The following C10orf143 variants were observed in gnomAD, a reference collection of about 807,000 sequenced individuals.
C10orf143 encodes the protein chromosome 10 open reading frame 143.
intron 3 of C10orf143, among the ~76,000 whole-genome samples, chr10:130,078,346 G>A (rs1304242552): frequency 6.6e-6 from 1 of 152,136 alleles, no homozygotes; most frequent in African/African-American, 2.4e-5. Flanking sequence ...GACAAAGAAG[G>A]CACCGGTCAG....
chr10:130,048,417 C>A (rs1344577656), intron 3 of C10orf143, among the ~76,000 whole-genome samples: 1 of 152,130 alleles, frequency 6.6e-6, no homozygotes, highest in African/African-American at 2.4e-5. Flanking sequence ...CCTCCTTAGC[C>A]CCATCATTAC....
At chr10:130,107,909 C>T in intron 1 of C10orf143, 1 of 1,351,314 alleles carries the variant, frequency 7.4e-7, no homozygotes, top group Non-Finnish European at 1.1e-6. Flanking sequence ...TCCACAAAGG[C>T]AAGACAGATT....
At chr10:130,084,018 A>G (rs776921401) in intron 1 of C10orf143, among the ~76,000 whole-genome samples, 1 of 152,188 alleles carries the variant, frequency 6.6e-6, no homozygotes, top group Non-Finnish European at 1.5e-5. Context: ...ACTTTTAAAA[A>G]TACTATTTTG....
intron 3 of C10orf143, among the ~76,000 whole-genome samples, chr10:130,057,829 G>A (rs577145260): frequency 2.1e-4 from 32 of 152,314 alleles, no homozygotes; most frequent in Admixed American, 1.3e-3. Flanking sequence ...ACTCCTCAGT[G>A]AGTGATGATG....
intron 3 of C10orf143, chr10:130,066,375 G>A (rs1249341494): frequency 1.4e-5 from 2 of 145,116 alleles, no homozygotes; most frequent in African/African-American, 5.1e-5. Flanking sequence ...TTTTTTTTTG[G>A]TAGAGACAGG....
downstream of C10orf143, among the ~76,000 whole-genome samples, chr10:130,063,063 G>A (rs982698406): frequency 1.3e-5 from 2 of 152,002 alleles, no homozygotes; most frequent in Admixed American, 6.6e-5. Context: ...GATGAGATGG[G>A]AACTCACGTC....
chr10:130,048,497 C>T (rs1009832843), intron 3 of C10orf143, among the ~76,000 whole-genome samples: 4 of 152,154 alleles, frequency 2.6e-5, no homozygotes, highest in Non-Finnish European at 5.9e-5. Context: ...ACCAGGGTCC[C>T]TGCAAGTCCC....
chr10:130,044,751 C>A (rs1371941703), intron 3 of C10orf143, among the ~76,000 whole-genome samples: 3 of 152,116 alleles, frequency 2.0e-5, no homozygotes, highest in African/African-American at 7.2e-5. Context: ...GTCAACGGAC[C>A]ACTTGTCAGC....
intron 3 of C10orf143, among the ~76,000 whole-genome samples, chr10:130,077,705 T>G (rs1447530852): frequency 6.6e-6 from 1 of 152,264 alleles, no homozygotes; most frequent in Non-Finnish European, 1.5e-5. Context: ...AAATACTATT[T>G]GCTTTTTATT....
chr10:130,050,854 C>T (rs533690857), intron 3 of C10orf143, among the ~76,000 whole-genome samples: 3 of 152,334 alleles, frequency 2.0e-5, no homozygotes, highest in East Asian at 1.9e-4. Flanking sequence ...TGCTGGAGCA[C>T]TGACCTCAGC....
intron 1 of C10orf143, chr10:130,106,036 C>A: frequency 3.8e-6 from 2 of 529,514 alleles, no homozygotes; most frequent in Non-Finnish European, 3.7e-6. Flanking sequence ...GCCAGAGCAG[C>A]CTTGGCGCTA....
chr10:130,046,354 C>G (rs1238362086), intron 3 of C10orf143, among the ~76,000 whole-genome samples: 1 of 152,070 alleles, frequency 6.6e-6, no homozygotes, highest in African/African-American at 2.4e-5. Context: ...CCGCCCAGCG[C>G]CTCCCCCGGG....
chr10:130,064,221 C>T lies in C10orf143; in HGVS notation c.*133G>A, dbSNP rs989946972. 5.1e-6 allele frequency: 2 copies of T among 394,038 alleles called. No individual in the cohort carries two copies. Among genetic ancestry groups the T allele is most frequent in the Admixed American group, 4.4e-5 (1 of 22,602 alleles). 24.4% of individuals were successfully genotyped at this position (394,038 alleles called of 1,614,324 possible). ...AATGAAAGGACAGACAAACCTCCCCCCACCCACAGAGGACACCGGGCTGCT... is the reference window on the plus strand; with the variant it reads ...AATGAAAGGACAGACAAACCTCCCCTCACCCACAGAGGACACCGGGCTGCT... On this transcript the variant is annotated 3_prime_UTR_variant, in exon 4 of 4. Coordinates refer to ENST00000637128, the MANE Select transcript of C10orf143 (RefSeq NM_001355042.2).
chr10:130,109,143 C>T (rs1006020582), intron 1 of C10orf143, among the ~76,000 whole-genome samples: 3 of 152,204 alleles, frequency 2.0e-5, no homozygotes, highest in African/African-American at 7.2e-5. Flanking sequence ...TTGTGCAAAC[C>T]TCTGCCACTT....
chr10:130,092,512 C>T (rs550435169), intron 1 of C10orf143, among the ~76,000 whole-genome samples: 8 of 152,192 alleles, frequency 5.3e-5, no homozygotes, highest in East Asian at 3.9e-4. Flanking sequence ...CATCAATTAA[C>T]GGGCAAAATA....
chr10:130,084,899 CAA>C (rs1861267349), intron 1 of C10orf143, among the ~76,000 whole-genome samples: 1 of 152,042 alleles, frequency 6.6e-6, no homozygotes, highest in South Asian at 2.1e-4. Context: ...GAGGGCATGT[CAA>C]AAAGACAAAG....
At chr10:130,081,298 C>T (rs189341268) in intron 1 of C10orf143, among the ~76,000 whole-genome samples, 222 of 151,522 alleles carry the variant, frequency 1.5e-3, no homozygotes, top group African/African-American at 5.0e-3. Context: ...ACCTATGAGC[C>T]GAATAATACA....
At chr10:130,072,903 G>A (rs1244749742) in intron 3 of C10orf143, among the ~76,000 whole-genome samples, 1 of 152,146 alleles carries the variant, frequency 6.6e-6, no homozygotes, top group African/African-American at 2.4e-5. Flanking sequence ...TGGGACAATG[G>A]CACCAAACAG....
intron 3 of C10orf143, among the ~76,000 whole-genome samples, chr10:130,049,642 G>A (rs901856462): frequency 1.3e-5 from 2 of 152,172 alleles, no homozygotes; most frequent in African/African-American, 4.8e-5. Flanking sequence ...AGGGGTTTTG[G>A]GTTCACGCTG....
Sources: allele counts gnomAD v4.1 joint callset (sites outside exome capture counted in the v4.1 genomes callset), GRCh38; gene constraint gnomAD v4.1.1; transcripts MANE v1.5; gene names NCBI Gene and HGNC (gene_info 2026-07-23, HGNC 2026-07-21).